Variants in ASIC2 observed in about 807,000 individuals in gnomAD.
ASIC2 encodes acid sensing ion channel subunit 2, also known as acid-sensing ion channel 2.
ASIC2 carries 25 observed loss-of-function variants against 57.3 expected under a neutral mutation model. The observed-to-expected ratio is 0.44, with a 90% CI of 0.32 to 0.61. The LOEUF (loss-of-function observed/expected upper bound fraction) is 0.61. Among genes scored for constraint, ASIC2 ranks in the 20% least tolerant of loss-of-function variants. ASIC2 has a pLI of 0.06. For synonymous variants in ASIC2, 319 were observed against 307.5 expected (o/e 1.04, Z -0.39); for missense variants, 641 against 738.1 (o/e 0.87, Z 1.52).
chr17:33,132,575 A>G (rs1476271749), intron 1 of ASIC2, among the ~76,000 whole-genome samples: 1 of 152,196 alleles, frequency 6.6e-6, no homozygotes, highest in African/African-American at 2.4e-5. Context: ...ACTCACACAC[A>G]TGCATGCACG....
rs116958508 is a variant in ASIC2 at position 33,840,301 on chromosome 17, C to G, written c.555+315677G>C. ...TTAGGGGAGCCCAGTGTGGGGAGTT[C>G]CCAGAATAGAGAGTCATTGAAACGT... On this transcript the variant is annotated intron_variant, in intron 1 of 9. Coordinates refer to the ASIC2 transcript ENST00000359872. Among the ~76,000 whole-genome samples the G allele has an allele frequency of 0.011, 1,750 of 152,178 alleles. 96 individuals carry two copies. In the East Asian group the frequency reaches 0.18, roughly 16 times the overall value.
At chr17:33,197,835 A>T (rs759045462) in intron 1 of ASIC2, among the ~76,000 whole-genome samples, 3 of 152,172 alleles carry the variant, frequency 2.0e-5, no homozygotes, top group Non-Finnish European at 4.4e-5. Context: ...TGTAGTCATT[A>T]TAAAGGTCTA....
chr17:33,531,929 A>G (rs562497389), intron 1 of ASIC2, among the ~76,000 whole-genome samples: 1 of 152,176 alleles, frequency 6.6e-6, no homozygotes, highest in Non-Finnish European at 1.5e-5. Context: ...CAAGGGCCAC[A>G]TGGAAAGGGA....
intron 1 of ASIC2, among the ~76,000 whole-genome samples, chr17:33,481,676 T>C (rs1252183830): frequency 6.6e-6 from 1 of 152,234 alleles, no homozygotes; most frequent in African/African-American, 2.4e-5. Flanking sequence ...CATTTAAACC[T>C]GCTCAAGGTT....
intron 1 of ASIC2, among the ~76,000 whole-genome samples, chr17:33,319,224 C>T (rs985381570): frequency 6.7e-5 from 10 of 148,170 alleles, no homozygotes; most frequent in East Asian, 2.1e-4. Flanking sequence ...AGCGAGACTC[C>T]GTCTCAAAAA....
At chr17:33,686,251 C>T (rs779268159) in intron 1 of ASIC2, among the ~76,000 whole-genome samples, 21 of 152,040 alleles carry the variant, frequency 1.4e-4, no homozygotes, top group Middle Eastern at 3.2e-3. Context: ...CCAAAGAGCA[C>T]GCTATTCTTG....
At chr17:33,289,275 T>A (rs1157095109) in intron 1 of ASIC2, among the ~76,000 whole-genome samples, 1 of 152,032 alleles carries the variant, frequency 6.6e-6, no homozygotes, top group Non-Finnish European at 1.5e-5. Flanking sequence ...AAGAGAAGGG[T>A]GTGCCCCAGT....
intron 2 of ASIC2, among the ~76,000 whole-genome samples, chr17:33,095,203 A>C (rs1156702998): frequency 2.0e-5 from 3 of 152,180 alleles, no homozygotes; most frequent in African/African-American, 7.2e-5. Flanking sequence ...CAAGGGGATC[A>C]GTTGCTGTTT....
intron 1 of ASIC2, among the ~76,000 whole-genome samples, chr17:33,709,623 A>G (rs1908965795): frequency 6.6e-6 from 1 of 152,222 alleles, no homozygotes; most frequent in African/African-American, 2.4e-5. Context: ...ACCTTGTTGC[A>G]GCAGCTAGAA....
intron 1 of ASIC2, among the ~76,000 whole-genome samples, chr17:33,339,618 C>A (rs941449259): frequency 6.6e-6 from 1 of 152,104 alleles, no homozygotes; most frequent in Non-Finnish European, 1.5e-5. Flanking sequence ...GGTGTCTTGC[C>A]CTCAGAAAGG....
At chr17:33,501,153 A>G (rs572712130) in intron 1 of ASIC2, among the ~76,000 whole-genome samples, 2 of 152,328 alleles carry the variant, frequency 1.3e-5, no homozygotes, top group African/African-American at 4.8e-5. Flanking sequence ...TACAAGCCAC[A>G]CTCAATCCCT....
chr17:34,079,115 A>C (rs1367034516), intron 1 of ASIC2: 5 of 152,176 alleles, frequency 3.3e-5, no homozygotes, highest in African/African-American at 1.2e-4. Flanking sequence ...GAATCTCCAC[A>C]TTTCCACCAG....
intron 1 of ASIC2, among the ~76,000 whole-genome samples, chr17:33,607,465 C>T (rs1245565809): frequency 6.6e-6 from 1 of 152,162 alleles, no homozygotes; most frequent in South Asian, 2.1e-4. Flanking sequence ...TCTCATTACA[C>T]CCACTGCAGC....
At chr17:34,120,558 T>C (rs773209783) in intron 1 of ASIC2, among the ~76,000 whole-genome samples, 3 of 151,676 alleles carry the variant, frequency 2.0e-5, no homozygotes, top group Admixed American at 6.6e-5. Flanking sequence ...TCAATTGTTA[T>C]GGGTTGAATT....
At chr17:34,155,999 G>C (rs369406106) in exon 1 of ASIC2, 21 of 1,610,012 alleles carry the variant, frequency 1.3e-5, no homozygotes, top group Non-Finnish European at 1.8e-5. Context: ...CTTGGTGGCC[G>C]CACTCCTGCC....
intron 1 of ASIC2, among the ~76,000 whole-genome samples, chr17:33,233,382 TCACA>T (rs1908178123): frequency 6.6e-6 from 1 of 151,902 alleles, no homozygotes; most frequent in Admixed American, 6.6e-5. Flanking sequence ...AGCAGAAAAC[TCACA>T]CACTACACCA....
chr17:34,033,752 T>C (rs568796525), intron 1 of ASIC2, among the ~76,000 whole-genome samples: 13 of 152,220 alleles, frequency 8.5e-5, no homozygotes, highest in African/African-American at 3.1e-4. Flanking sequence ...ACAAATAAAC[T>C]AGAAAATCTA....
chr17:33,702,308 A>G (rs1040129968), intron 1 of ASIC2, among the ~76,000 whole-genome samples: 9 of 152,064 alleles, frequency 5.9e-5, no homozygotes, highest in African/African-American at 2.2e-4. Context: ...CTGGGGTTAG[A>G]GGGGGGGTAT....
intron 1 of ASIC2, among the ~76,000 whole-genome samples, chr17:33,305,914 C>A (rs1006763535): frequency 6.6e-6 from 1 of 152,154 alleles, no homozygotes; most frequent in Non-Finnish European, 1.5e-5. Context: ...TAGATAAAAG[C>A]TTCCCTATAG....
Sources: allele counts gnomAD v4.1 joint callset (sites outside exome capture counted in the v4.1 genomes callset), GRCh38; gene constraint gnomAD v4.1.1; transcripts MANE v1.5; gene names NCBI Gene and HGNC (gene_info 2026-07-23, HGNC 2026-07-21).